Variants in SCYL3 observed in about 807,000 individuals in gnomAD.
The protein encoded by SCYL3 is SCY1 like pseudokinase 3.
SCYL3 carries 35 observed loss-of-function variants against 73.8 expected under a neutral mutation model. The observed-to-expected ratio is 0.47, with a 90% CI of 0.36 to 0.63. SCYL3 has a LOEUF of 0.63. SCYL3 is among the 20% of genes least tolerant of loss of function. The pLI, the probability that SCYL3 is intolerant of heterozygous loss-of-function variation, is 0.00. For missense variants in SCYL3, 712 were observed against 798.9 expected (o/e 0.89, Z 1.31); for synonymous variants, 277 against 295.2 (o/e 0.94, Z 0.63).
At chr1:169,887,953 C>G (rs536041193) in intron 2 of SCYL3, among the ~76,000 whole-genome samples, 34 of 152,276 alleles carry the variant, frequency 2.2e-4, no homozygotes, top group African/African-American at 8.2e-4. Flanking sequence ...CTAACAAAAT[C>G]AAGATATCAA....
rs754896441 is a variant in SCYL3, at chr1:169,851,620, C to CTA, written c.*2091_*2092dup. On this transcript the variant is annotated 3_prime_UTR_variant, in exon 13 of 13. Transcript: ENST00000367771. ...TTTTCCTGCAAAGACAACTCTATAA[C>CTA]TAACTATTTTGTAAGGAAGAACACA... is the stretch of plus-strand genomic sequence containing the variant. 1.2e-5 allele frequency: 8 copies of CTA among 655,456 alleles called. No individual in the cohort carries two copies. The South Asian group carries it at 1.8e-4, about 15-fold the overall frequency. The allele number at this position is 655,456 out of a possible 1,614,324, so 40.6% of individuals were successfully genotyped here. A position where few individuals can be genotyped will look rare whatever the true frequency, so the allele number is the denominator to read the frequency against.
At chr1:169,874,464 G>T (rs182001154) in intron 4 of SCYL3, among the ~76,000 whole-genome samples, 3 of 152,170 alleles carry the variant, frequency 2.0e-5, no homozygotes, top group South Asian at 2.1e-4. Flanking sequence ...ACAGAAAGGA[G>T]ATTAAAGCCA....
Position 169,869,054 on chromosome 1 carries a change from T to G in SCYL3, c.626-15A>C, listed in dbSNP as rs750501783. 6.2e-7 allele frequency: 1 copy of G among 1,602,412 alleles called. No homozygotes were observed. The highest frequency in any genetic ancestry group is 8.5e-7 in the Non-Finnish European group (1 of 1,169,642). On this transcript the variant is annotated splice_polypyrimidine_tract_variant and intron_variant, in intron 6 of 12. Transcript: ENST00000367771. ...ATCCGCTGAAACTGAAATCCAGAGC[T>G]ACAGTTAGTTTCCAATGCCTTCTCC...
Position 169,870,570 on chromosome 1 carries a change from T to A in SCYL3, c.523-213A>T, listed in dbSNP as rs1046464500. 2.0e-5 allele frequency among the ~76,000 whole-genome samples: 3 copies of A among 152,166 alleles called. No homozygotes were observed. The East Asian group carries it at 5.8e-4, about 29-fold the overall frequency. ...AATGAGCAAAAATTTTTAAAAAGGT[T>A]AGAATATGGCACATGTCGGTGGCTT... On this transcript the variant is annotated intron_variant, in intron 5 of 12. Transcript: ENST00000367771.
chr1:169,869,959 TAG>T (rs1230402811), intron 6 of SCYL3, among the ~76,000 whole-genome samples: 7 of 152,252 alleles, frequency 4.6e-5, no homozygotes. Flanking sequence ...CAATAAGGAA[TAG>T]AGTCTACATT....
chr1:169,870,876 C>A (rs1007795482), intron 5 of SCYL3, among the ~76,000 whole-genome samples: 4 of 151,944 alleles, frequency 2.6e-5, no homozygotes, highest in African/African-American at 9.7e-5. Context: ...TGATTTATTT[C>A]AAGTCTTAGG....
chr1:169,884,080 A>G (rs1369373421), intron 2 of SCYL3, among the ~76,000 whole-genome samples: 1 of 152,142 alleles, frequency 6.6e-6, no homozygotes, highest in East Asian at 1.9e-4. Flanking sequence ...GAATAGCTCC[A>G]ATAGGGTTTA....
rs184345118 is a variant in SCYL3, at chr1:169,867,727, T to C, written c.738-754A>G. On this transcript the variant is annotated intron_variant, in intron 7 of 12. Transcript: ENST00000367771. Reference sequence around the variant, plus strand: ...TTGGTTCAGCTGCCTCTGTAAGAGATGCTGACCCTGGCTCCTACTGTTGTC... The same window carrying C: ...TTGGTTCAGCTGCCTCTGTAAGAGACGCTGACCCTGGCTCCTACTGTTGTC... Among the ~76,000 whole-genome samples, 66 of 152,374 alleles carry C rather than the reference T, an allele frequency of 4.3e-4. No homozygotes were observed. In the East Asian group the frequency reaches 0.012, roughly 27 times the overall value.
Position 169,851,045 on chromosome 1 carries a change from C to CTTTTTTTTT in SCYL3, c.*2659_*2667dup, listed in dbSNP as rs58984684. On this transcript the variant is annotated 3_prime_UTR_variant, in exon 13 of 13. Transcript: ENST00000367771. ...CCCAAGCCAGGGTAAGCTCAGGGCCCTTTTTTTTTTTTTTTTTTTTTTTTT... is the reference window on the plus strand; with the variant it reads ...CCCAAGCCAGGGTAAGCTCAGGGCCCTTTTTTTTTTTTTTTTTTTTTTTTTTTTTTTTTT... 1 of 17,312 alleles carries CTTTTTTTTT rather than the reference C, an allele frequency of 5.8e-5. No homozygotes were observed. The highest frequency in any genetic ancestry group is 1.0e-4 in the Non-Finnish European group (1 of 9,630). The allele number at this position is 17,312 out of a possible 1,614,324, so 1.1% of individuals were successfully genotyped here.
chr1:169,890,045 C>T (rs1247996036), intron 1 of SCYL3, among the ~76,000 whole-genome samples: 2 of 152,152 alleles, frequency 1.3e-5, no homozygotes, highest in African/African-American at 4.8e-5. Flanking sequence ...AGGTAATGTG[C>T]AGTGCCCCAG....
At chr1:169,857,349 A>T (rs1659261772) in intron 11 of SCYL3, among the ~76,000 whole-genome samples, 1 of 152,236 alleles carries the variant, frequency 6.6e-6, no homozygotes, top group Non-Finnish European at 1.5e-5. Flanking sequence ...TTTAAATATA[A>T]TCTATGCATA....
chr1:169,859,449 CAT>C (rs770249768), intron 10 of SCYL3, among the ~76,000 whole-genome samples: 9 of 152,178 alleles, frequency 5.9e-5, no homozygotes, highest in Non-Finnish European at 1.0e-4. Context: ...ATTAAAAAGA[CAT>C]ATGTTGGGTA....
chr1:169,863,312 G>A (rs942286977), intron 9 of SCYL3, among the ~76,000 whole-genome samples: 1 of 152,192 alleles, frequency 6.6e-6, no homozygotes, highest in African/African-American at 2.4e-5. Context: ...ACCTTGTAGA[G>A]TTTTTGAAAT....
intron 2 of SCYL3, among the ~76,000 whole-genome samples, chr1:169,880,856 G>A (rs1661192868): frequency 6.6e-6 from 1 of 151,654 alleles, no homozygotes; most frequent in South Asian, 2.1e-4. Context: ...CCGCCTCCCG[G>A]GTTCAAGTGA....
At chr1:169,891,000 C>A (rs1248664317) in intron 1 of SCYL3, among the ~76,000 whole-genome samples, 3 of 152,196 alleles carry the variant, frequency 2.0e-5, no homozygotes, top group Non-Finnish European at 4.4e-5. Context: ...TTCTTGGGCA[C>A]AGTTAATGTT....
intron 2 of SCYL3, among the ~76,000 whole-genome samples, chr1:169,887,413 A>G (rs1661760130): frequency 1.3e-5 from 2 of 152,196 alleles, no homozygotes; most frequent in Non-Finnish European, 2.9e-5. Flanking sequence ...ACAATTTTAA[A>G]AAAATCTTAT....
intron 1 of SCYL3, among the ~76,000 whole-genome samples, chr1:169,889,743 TATTC>T (rs1382976675): frequency 1.3e-5 from 2 of 152,254 alleles, no homozygotes; most frequent in Non-Finnish European, 2.9e-5. Flanking sequence ...AGGATGGATA[TATTC>T]ATTATCTTGA....
At chr1:169,869,910 A>C (rs1660276715) in intron 6 of SCYL3, among the ~76,000 whole-genome samples, 1 of 152,274 alleles carries the variant, frequency 6.6e-6, no homozygotes, top group Non-Finnish European at 1.5e-5. Flanking sequence ...ATTATTACAT[A>C]TAAATCATTA....
At chr1:169,861,897 T>C (rs1659675062) in intron 10 of SCYL3, among the ~76,000 whole-genome samples, 2 of 152,054 alleles carry the variant, frequency 1.3e-5, no homozygotes, top group Non-Finnish European at 2.9e-5. Context: ...TAAGAGGCCA[T>C]GTAAAGACAG....
Sources: allele counts gnomAD v4.1 joint callset (sites outside exome capture counted in the v4.1 genomes callset), GRCh38; gene constraint gnomAD v4.1.1; transcripts MANE v1.5; gene names NCBI Gene and HGNC (gene_info 2026-07-23, HGNC 2026-07-21).